Variants in IL1RAPL1 observed in about 807,000 individuals in gnomAD.
IL1RAPL1 encodes interleukin 1 receptor accessory protein like 1, also known as interleukin-1 receptor accessory protein-like 1.
IL1RAPL1 carries 3 observed loss-of-function variants against 48.4 expected under a neutral mutation model. The observed-to-expected ratio is 0.06, with a 90% CI of 0.03 to 0.16. The LOEUF (loss-of-function observed/expected upper bound fraction) is 0.16. Among genes scored for constraint, IL1RAPL1 ranks in the 10% least tolerant of loss-of-function variants. IL1RAPL1 has a pLI of 1.00. For synonymous variants in IL1RAPL1, 185 were observed against 187.7 expected, an observed-to-expected ratio of 0.99 and a Z score of 0.12; for missense variants, 349 against 530.6, an observed-to-expected ratio of 0.66 and a Z score of 3.36.
intron 5 of IL1RAPL1, among the ~76,000 whole-genome samples, chrX:29,621,932 C>G (rs1320507567): frequency 8.9e-6 from 1 of 111,736 alleles, no homozygotes; most frequent in African/African-American, 3.2e-5. Context: ...CTTCTCCTTC[C>G]TACGCTGTGG....
chrX:29,712,468 A>C (rs943635035), intron 6 of IL1RAPL1, among the ~76,000 whole-genome samples: 3 of 112,157 alleles, frequency 2.7e-5, no homozygotes, highest in Non-Finnish European at 5.6e-5. Flanking sequence ...AAATATTTTA[A>C]TTGTTTAAAA....
chrX:29,559,574 G>A (rs1922118831), intron 5 of IL1RAPL1, among the ~76,000 whole-genome samples: 1 of 111,022 alleles, frequency 9.0e-6, no homozygotes, highest in Admixed American at 9.6e-5. Context: ...ATGCTTTTAG[G>A]AATTTATTCA....
chrX:29,266,694 T>C (rs992518381), intron 2 of IL1RAPL1, among the ~76,000 whole-genome samples: 2 of 111,738 alleles, frequency 1.8e-5, no homozygotes, highest in African/African-American at 6.5e-5. Flanking sequence ...CTCTCATTCA[T>C]TCCTTTATGG....
chrX:28,923,625 G>A (rs1923669026), intron 2 of IL1RAPL1, among the ~76,000 whole-genome samples: 1 of 111,286 alleles, frequency 9.0e-6, no homozygotes, highest in Non-Finnish European at 1.9e-5. Context: ...TGGATTAAAC[G>A]ATGAATAGAT....
At chrX:29,557,160 G>A (rs1922031009) in intron 5 of IL1RAPL1, among the ~76,000 whole-genome samples, 1 of 111,596 alleles carries the variant, frequency 9.0e-6, no homozygotes, top group Admixed American at 9.5e-5. Flanking sequence ...TTAAGTTGTT[G>A]GCTGTCTGGT....
At chrX:28,613,796 A>G (rs1934181691) in intron 1 of IL1RAPL1, among the ~76,000 whole-genome samples, 2 of 112,236 alleles carry the variant, frequency 1.8e-5, no homozygotes, top group Non-Finnish European at 1.9e-5. Flanking sequence ...TATCATTGCC[A>G]TACTTTAACT....
chrX:29,758,962 G>T (rs1410662134), intron 6 of IL1RAPL1, among the ~76,000 whole-genome samples: 1 of 111,404 alleles, frequency 9.0e-6, no homozygotes, highest in Non-Finnish European at 1.9e-5. Context: ...GTATTCTGGG[G>T]TTAATAAGAA....
At chrX:29,313,977 T>C (rs1329158201) in intron 3 of IL1RAPL1, among the ~76,000 whole-genome samples, 1 of 112,548 alleles carries the variant, frequency 8.9e-6, no homozygotes, top group Non-Finnish European at 1.9e-5. Flanking sequence ...TCTTACAAAC[T>C]AATTTTGTTT....
chrX:29,071,409 G>C (rs902237941), intron 2 of IL1RAPL1, among the ~76,000 whole-genome samples: 2 of 111,902 alleles, frequency 1.8e-5, no homozygotes, highest in African/African-American at 6.5e-5. Flanking sequence ...CAGTGTTCTA[G>C]GGACCAAAGA....
intron 3 of IL1RAPL1, among the ~76,000 whole-genome samples, chrX:29,295,323 G>A (rs1212854886): frequency 8.9e-6 from 1 of 111,843 alleles, no homozygotes; most frequent in Admixed American, 9.5e-5. Flanking sequence ...ATTAGACAGG[G>A]AAACATGTAA....
At chrX:29,248,796 G>A (rs1332798399) in intron 2 of IL1RAPL1, among the ~76,000 whole-genome samples, 1 of 111,835 alleles carries the variant, frequency 8.9e-6, no homozygotes, top group Non-Finnish European at 1.9e-5. Flanking sequence ...ATTCTCAAAT[G>A]TATCTTGCAA....
At chrX:29,805,226 C>T (rs745823449) in intron 6 of IL1RAPL1, among the ~76,000 whole-genome samples, 1 of 111,770 alleles carries the variant, frequency 8.9e-6, no homozygotes, top group South Asian at 3.8e-4. Context: ...GCATTAATTG[C>T]AGCATTACAC....
chrX:28,764,350 A>C (rs944578014), intron 1 of IL1RAPL1, among the ~76,000 whole-genome samples: 8 of 111,463 alleles, frequency 7.2e-5, no homozygotes, highest in African/African-American at 2.6e-4. Context: ...GATTATTTTT[A>C]TAGTGATCAG....
chrX:29,384,728 T>C (rs1046534463), intron 3 of IL1RAPL1, among the ~76,000 whole-genome samples: 2 of 112,441 alleles, frequency 1.8e-5, no homozygotes, highest in Admixed American at 1.9e-4. Context: ...CTATTTTGCT[T>C]GAGCAATTCG....
intron 3 of IL1RAPL1, among the ~76,000 whole-genome samples, chrX:29,376,683 G>A (rs58889444): frequency 0.016 from 1,802 of 111,609 alleles, 38 homozygotes; most frequent in African/African-American, 0.056. Context: ...TATTTGTGTC[G>A]TTTTGAGAGA....
At chrX:28,976,396 A>G (rs1461793892) in intron 2 of IL1RAPL1, among the ~76,000 whole-genome samples, 2 of 111,542 alleles carry the variant, frequency 1.8e-5, no homozygotes, top group Non-Finnish European at 3.8e-5. Flanking sequence ...TTCCTAAGAG[A>G]GCATATATAT....
chrX:28,735,167 A>C (rs1011629607), intron 1 of IL1RAPL1, among the ~76,000 whole-genome samples: 2 of 111,729 alleles, frequency 1.8e-5, no homozygotes, highest in African/African-American at 3.3e-5. Context: ...TTTTCTTACT[A>C]TACAATTTAG....
chrX:29,740,507 A>G (rs1164829014), intron 6 of IL1RAPL1, among the ~76,000 whole-genome samples: 1 of 111,833 alleles, frequency 8.9e-6, no homozygotes, highest in Non-Finnish European at 1.9e-5. Flanking sequence ...TTAGTTACTC[A>G]GGCTTAAACT....
intron 1 of IL1RAPL1, among the ~76,000 whole-genome samples, chrX:28,679,301 T>C (rs1479741898): frequency 2.7e-5 from 3 of 112,390 alleles, no homozygotes; most frequent in Admixed American, 9.5e-5. Flanking sequence ...GGGTTTTTTT[T>C]CCATTATTTC....
Sources: gnomAD v4.1 joint callset for allele counts (sites outside exome capture counted in the v4.1 genomes callset) on GRCh38, gnomAD v4.1.1 for gene constraint, MANE v1.5 for transcripts, NCBI Gene and HGNC (gene_info 2026-07-23, HGNC 2026-07-21) for gene names.